Variants in ANO10 observed in about 807,000 individuals in gnomAD.
ANO10 encodes anoctamin 10.
A neutral mutation model predicts 74.7 loss-of-function variants in ANO10; 77 were observed. The observed-to-expected ratio is 1.03, with a 90% CI of 0.86 to 1.25. ANO10 has a LOEUF of 1.25. ANO10 is among the 50% of genes most tolerant of loss of function. ANO10 has a pLI of 0.00. For missense variants in ANO10, 721 were observed against 778.1 expected (o/e 0.93, Z 0.87); for synonymous variants, 279 against 284.9 (o/e 0.98, Z 0.21).
At chr3:43,392,053 G>A (rs1247264608) in intron 12 of ANO10, among the ~76,000 whole-genome samples, 2 of 152,128 alleles carry the variant, frequency 1.3e-5, no homozygotes, top group East Asian at 3.9e-4. Context: ...TCTGGTCAGT[G>A]GAGTAATAAA....
chr3:43,463,243 C>T (rs769460003), intron 11 of ANO10, among the ~76,000 whole-genome samples: 6 of 152,180 alleles, frequency 3.9e-5, no homozygotes, highest in African/African-American at 7.2e-5. Flanking sequence ...AACACCAGCC[C>T]CTGAAAGCAG....
At chr3:43,515,206 A>G (rs1294922159) in intron 11 of ANO10, among the ~76,000 whole-genome samples, 1 of 152,230 alleles carries the variant, frequency 6.6e-6, no homozygotes, top group Admixed American at 6.5e-5. Flanking sequence ...ATTAAACATT[A>G]TTTCTGGCTG....
chr3:43,380,648 ATT>A (rs1314640337), intron 12 of ANO10, among the ~76,000 whole-genome samples: 2 of 152,248 alleles, frequency 1.3e-5, no homozygotes, highest in African/African-American at 2.4e-5. Context: ...TGCTGAGAGA[ATT>A]CGCCACTACC....
chr3:43,476,268 G>T (rs1355329273), intron 11 of ANO10, among the ~76,000 whole-genome samples: 3 of 152,064 alleles, frequency 2.0e-5, no homozygotes, highest in African/African-American at 7.2e-5. Context: ...ATAATTGTTG[G>T]TAGACCTGAA....
chr3:43,549,652 C>G, intron 11 of ANO10, 68 bp downstream of exon 11: 1 of 1,574,618 alleles, frequency 6.4e-7, no homozygotes, highest in Non-Finnish European at 8.7e-7. Flanking sequence ...CAGCCCGAGA[C>G]AGCACTGCTT....
At position 43,552,718 on chromosome 3, in the gene ANO10, A is replaced by ATG. The variant is rs1361415230; in HGVS notation, c.1668+2559_1668+2560insCA. On this transcript the variant is annotated intron_variant, in intron 10 of 12. Coordinates refer to ENST00000292246, the MANE Select transcript of ANO10 (RefSeq NM_018075.5). The stretch of plus-strand genomic sequence containing the variant: ...TCTGGATATATATATATATATATAT[A>ATG]TATATATATATGTATGTATGTATGT... Among the ~76,000 whole-genome samples, 1,297 of 132,980 alleles carry ATG rather than the reference A, an allele frequency of 9.8e-3. 17 individuals are homozygous for ATG. The highest frequency in any genetic ancestry group is 0.011 in the Non-Finnish European group (728 of 64,992). The allele number at this position is 132,980 out of a possible 152,430, so 87.2% of individuals were successfully genotyped here.
chr3:43,451,090 G>T (rs944930882), intron 11 of ANO10, among the ~76,000 whole-genome samples: 1 of 152,180 alleles, frequency 6.6e-6, no homozygotes, highest in African/African-American at 2.4e-5. Context: ...TTGAATCATG[G>T]TCCCTAAGCA....
At chr3:43,459,382 A>C (rs1354567568) in intron 11 of ANO10, among the ~76,000 whole-genome samples, 1 of 152,216 alleles carries the variant, frequency 6.6e-6, no homozygotes, top group African/African-American at 2.4e-5. Flanking sequence ...AGTAAGTAAC[A>C]AACAAGGTGG....
intron 1 of ANO10, among the ~76,000 whole-genome samples, chr3:43,646,257 A>C (rs2083724891): frequency 1.3e-5 from 2 of 152,236 alleles, no homozygotes; most frequent in African/African-American, 4.8e-5. Context: ...TGAAAACAAA[A>C]GATTCGAGGA....
intron 8 of ANO10, among the ~76,000 whole-genome samples, chr3:43,564,071 G>A (rs1362639217): frequency 2.0e-5 from 3 of 151,702 alleles, no homozygotes; most frequent in East Asian, 3.9e-4. Context: ...TTGAGACACG[G>A]TCTCACTTTG....
chr3:43,508,884 G>A (rs1317485521), intron 11 of ANO10, among the ~76,000 whole-genome samples: 2 of 147,006 alleles, frequency 1.4e-5, no homozygotes, highest in Non-Finnish European at 3.0e-5. Context: ...CATGGCACAT[G>A]TATACATATG....
At chr3:43,592,113 G>T (rs1278461240) in intron 4 of ANO10, among the ~76,000 whole-genome samples, 2 of 152,232 alleles carry the variant, frequency 1.3e-5, no homozygotes, top group Non-Finnish European at 2.9e-5. Context: ...CTCGAACTGG[G>T]TGGAGCCGAC....
intron 12 of ANO10, among the ~76,000 whole-genome samples, chr3:43,413,713 T>G (rs936538388): frequency 6.7e-6 from 1 of 149,816 alleles, no homozygotes; most frequent in African/African-American, 2.5e-5. Flanking sequence ...AAAAGTGAGT[T>G]AGTTTATGAT....
chr3:43,522,109 G>T (rs1037735484), intron 11 of ANO10, among the ~76,000 whole-genome samples: 2 of 152,078 alleles, frequency 1.3e-5, no homozygotes, highest in African/African-American at 4.8e-5. Flanking sequence ...CACAGAGACA[G>T]AAAGTAAAGC....
At chr3:43,598,736 AC>A (rs2082205285) in intron 3 of ANO10, 70 bp from the exon 4 acceptor site, 1 of 1,260,438 alleles carries the variant, frequency 7.9e-7, no homozygotes, top group African/African-American at 1.5e-5. Flanking sequence ...ACCTGAGATT[AC>A]AGAAATAATG....
In ANO10 at chr3:43,577,125, G is replaced by A. The variant is rs1281196499; in HGVS notation, c.729C>T (p.Tyr243=). Residue 243 remains tyrosine, a synonymous_variant, in exon 6 of 13, where the codon TAC becomes TAT. Transcript: ENST00000292246. ...YLFVWEDYDK[Y]VIFASFNLIW... is the part of the protein sequence containing the mutation. ...TGAGGTTGAACGAGGCAAAGATCAC[G>A]TACTTGTCATAGTCTTCCCACACAA... 7.4e-6 allele frequency: 12 copies of A among 1,614,024 alleles called. 1 individual carries two copies. The East Asian group carries it at 1.6e-4, about 21-fold the overall frequency.
intron 11 of ANO10, among the ~76,000 whole-genome samples, chr3:43,523,993 G>C (rs1294544442): frequency 2.0e-5 from 3 of 152,074 alleles, no homozygotes; most frequent in Non-Finnish European, 4.4e-5. Context: ...GCTCACCCAG[G>C]GGCCACAGTG....
intron 5 of ANO10, among the ~76,000 whole-genome samples, chr3:43,579,006 T>C (rs1022534481): frequency 2.6e-5 from 4 of 152,112 alleles, no homozygotes; most frequent in Non-Finnish European, 4.4e-5. Context: ...TAAAACATTA[T>C]ATAATAGTTG....
In ANO10 at chr3:43,570,707, G is replaced by A. The variant is rs1487271379; in HGVS notation, c.1218+4102C>T. The stretch of plus-strand genomic sequence containing the variant: ...TTCAAGATGGATTAAAGACTTAAAC[G>A]TTAGACCTAAAACCATAAAAACCCT... On this transcript the variant is annotated intron_variant, in intron 7 of 12. Coordinates refer to ENST00000292246, the MANE Select transcript of ANO10 (RefSeq NM_018075.5). Among the ~76,000 whole-genome samples the A allele has an allele frequency of 4.9e-5, 7 of 144,090 alleles. No homozygotes were observed. In the East Asian group the frequency reaches 1.0e-3, roughly 21 times the overall value. The allele number at this position is 144,090 out of a possible 152,430, so 94.5% of individuals were successfully genotyped here.
Sources: allele counts gnomAD v4.1 joint callset (sites outside exome capture counted in the v4.1 genomes callset), GRCh38; gene constraint gnomAD v4.1.1; transcripts MANE v1.5; gene names NCBI Gene and HGNC (gene_info 2026-07-23, HGNC 2026-07-21).